Variants in SCAMP1 observed in about 807,000 individuals in gnomAD.
SCAMP1 encodes the protein secretory carrier-associated membrane protein 1.
Under a neutral mutation model 41.8 loss-of-function variants are expected in SCAMP1, and 15 were observed. The ratio of observed to expected loss-of-function variants is 0.36; its 90% CI spans 0.24 to 0.55. The LOEUF (loss-of-function observed/expected upper bound fraction) is 0.55, where lower values mean the gene tolerates loss of function less well. SCAMP1 is among the 20% of genes least tolerant of loss of function. The pLI, the probability that SCAMP1 is intolerant of heterozygous loss-of-function variation, is 0.86. For missense variants in SCAMP1, 341 were observed against 412.6 expected (o/e 0.83, Z 1.50); for synonymous variants, 135 against 136.8 (o/e 0.99, Z 0.09).
In SCAMP1 at chr5:78,388,824, A is replaced by G. The variant is rs1190792851; in HGVS notation, c.58-13A>G. The G allele has an allele frequency of 1.2e-5, 17 of 1,404,610 alleles. No homozygotes were observed. The highest frequency in any genetic ancestry group is 1.6e-5 in the Non-Finnish European group (16 of 1,010,314). 87.0% of individuals were successfully genotyped at this position (1,404,610 alleles called of 1,614,324 possible). A position where few individuals can be genotyped will look rare whatever the true frequency, so the allele number is the denominator to read the frequency against. On this transcript the variant is annotated splice_polypyrimidine_tract_variant and intron_variant, in intron 1 of 8. Transcript: ENST00000621999. Reference sequence around the variant, plus strand: ...TAAGTAATCTTTTTTTTCTCCTTTGAATTTTATTCTAGGATCCATCAGTTA... The same window carrying G: ...TAAGTAATCTTTTTTTTCTCCTTTGGATTTTATTCTAGGATCCATCAGTTA...
intron 1 of SCAMP1, among the ~76,000 whole-genome samples, chr5:78,372,945 A>G (rs1229082859): frequency 2.0e-5 from 3 of 152,080 alleles, no homozygotes; most frequent in Non-Finnish European, 4.4e-5. Flanking sequence ...TTCTGATTCA[A>G]AAGGAAAACT....
At chr5:78,454,410 C>CA (rs1460600097) in intron 7 of SCAMP1, among the ~76,000 whole-genome samples, 33 of 152,144 alleles carry the variant, frequency 2.2e-4, no homozygotes, top group African/African-American at 7.2e-4. Flanking sequence ...TGAATTTTGT[C>CA]AAAGGCTTTT....
chr5:78,479,853 T>C lies in SCAMP1; in HGVS notation c.*4185T>C, dbSNP rs142090297. On this transcript the variant is annotated 3_prime_UTR_variant, in exon 9 of 9. Transcript: ENST00000621999. The stretch of plus-strand genomic sequence containing the variant: ...GTCAGGAGATCGAAACCATCCTGGC[T>C]AACATGGTGAAACCCCATCTCTACT... Among the ~76,000 whole-genome samples the C allele has an allele frequency of 0.025, 3,790 of 151,814 alleles. 143 individuals carry two copies. Among genetic ancestry groups the C allele is most frequent in the African/African-American group, 0.076 (3,156 of 41,290 alleles).
chr5:78,458,415 G>A (rs574183433), intron 7 of SCAMP1, among the ~76,000 whole-genome samples: 136 of 152,018 alleles, frequency 8.9e-4, no homozygotes, highest in African/African-American at 2.8e-3. Flanking sequence ...CTTATTTGTC[G>A]TCTTTATGTC....
chr5:78,457,489 G>C (rs1753446160), intron 7 of SCAMP1, among the ~76,000 whole-genome samples: 1 of 152,152 alleles, frequency 6.6e-6, no homozygotes, highest in African/African-American at 2.4e-5. Flanking sequence ...CTCCCAGTTA[G>C]GCTGCTCGGG....
At chr5:78,384,898 T>G (rs1227544458) in intron 1 of SCAMP1, among the ~76,000 whole-genome samples, 1 of 152,192 alleles carries the variant, frequency 6.6e-6, no homozygotes, top group South Asian at 2.1e-4. Context: ...TCAGGGATAT[T>G]GGCCTGTAGT....
At position 78,475,973 on chromosome 5, in the gene SCAMP1, A is replaced by T. The variant is rs1374816969; in HGVS notation, c.*305A>T. ...CCACTGAAAATTAATAATGGTACTTATGATTAAAAACGCATTTAATACTAA... is the reference window on the plus strand; with the variant it reads ...CCACTGAAAATTAATAATGGTACTTTTGATTAAAAACGCATTTAATACTAA... On this transcript the variant is annotated 3_prime_UTR_variant, in exon 9 of 9. Coordinates refer to ENST00000621999, the MANE Select transcript of SCAMP1 (RefSeq NM_004866.6). 3.0e-5 allele frequency: 5 copies of T among 169,302 alleles called. No individual in the cohort carries two copies. Among genetic ancestry groups the T allele is most frequent in the South Asian group, 1.9e-4 (1 of 5,182 alleles). The allele number at this position is 169,302 out of a possible 1,614,324, so 10.5% of individuals were successfully genotyped here. A position where few individuals can be genotyped will look rare whatever the true frequency, so the allele number is the denominator to read the frequency against.
At chr5:78,396,159 A>G (rs943962961) in intron 2 of SCAMP1, among the ~76,000 whole-genome samples, 1 of 152,226 alleles carries the variant, frequency 6.6e-6, no homozygotes, top group Non-Finnish European at 1.5e-5. Context: ...ACTCTATATG[A>G]TACTATAATG....
At chr5:78,474,625 C>A (rs1020240770) in intron 8 of SCAMP1, among the ~76,000 whole-genome samples, 3 of 152,154 alleles carry the variant, frequency 2.0e-5, no homozygotes, top group Non-Finnish European at 4.4e-5. Context: ...TGGCCCTTCC[C>A]TAAGCCTGCT....
At chr5:78,443,868 G>A (rs924763753) in intron 6 of SCAMP1, among the ~76,000 whole-genome samples, 87 of 151,726 alleles carry the variant, frequency 5.7e-4, no homozygotes, top group African/African-American at 1.9e-3. Flanking sequence ...ATTGCCCCAC[G>A]CTGGTCTTGA....
At chr5:78,459,796 C>T (rs888985505) in intron 8 of SCAMP1, among the ~76,000 whole-genome samples, 1 of 152,026 alleles carries the variant, frequency 6.6e-6, no homozygotes, top group Non-Finnish European at 1.5e-5. Context: ...TCAGAGGGAA[C>T]ATGTGCAGGT....
intron 8 of SCAMP1, among the ~76,000 whole-genome samples, chr5:78,463,472 A>G (rs1753666691): frequency 6.6e-6 from 1 of 152,262 alleles, no homozygotes; most frequent in African/African-American, 2.4e-5. Flanking sequence ...AATGCATTGC[A>G]TAAACCTTTA....
At chr5:78,440,968 A>G (rs941962295) in intron 6 of SCAMP1, among the ~76,000 whole-genome samples, 2 of 152,206 alleles carry the variant, frequency 1.3e-5, no homozygotes, top group African/African-American at 2.4e-5. Context: ...CTGCTGTGCT[A>G]GTAGTGAGCA....
rs201616717 is a variant in SCAMP1 at position 78,409,052 on chromosome 5, A to AT, written c.136-6462dup. Among the ~76,000 whole-genome samples the AT allele has an allele frequency of 5.0e-3, 760 of 152,150 alleles. 4 individuals are homozygous for AT. Among genetic ancestry groups the AT allele is most frequent in the African/African-American group, 0.017 (713 of 41,488 alleles). On this transcript the variant is annotated intron_variant, in intron 2 of 8. Coordinates refer to ENST00000621999, the MANE Select transcript of SCAMP1 (RefSeq NM_004866.6). ...TTCTTACTCATCCACTGAAACGGTC[A>AT]TTTTTTAGAGACTCCTGGCTTTATG...
At chr5:78,382,585 A>G (rs1222286343) in intron 1 of SCAMP1, among the ~76,000 whole-genome samples, 2 of 152,078 alleles carry the variant, frequency 1.3e-5, no homozygotes, top group Admixed American at 6.6e-5. Context: ...ACCCTTTCCC[A>G]TGAGTCCCTG....
At chr5:78,420,144 TTCCCGGGTTCAAG>T (rs1752305942) in intron 5 of SCAMP1, among the ~76,000 whole-genome samples, 1 of 152,152 alleles carries the variant, frequency 6.6e-6, no homozygotes, top group South Asian at 2.1e-4. Flanking sequence ...CAACCTCCGC[TTCCCGGGTTCAAG>T]TGATTCTCGT....
chr5:78,443,653 CTTTTT>C (rs71613955), intron 6 of SCAMP1, among the ~76,000 whole-genome samples: 102 of 71,954 alleles, frequency 1.4e-3, no homozygotes, highest in Non-Finnish European at 2.0e-3. Flanking sequence ...AGTGGTTTTG[CTTTTT>C]TTTTTTTTTT....
chr5:78,444,633 C>G (rs1196061832), intron 6 of SCAMP1, among the ~76,000 whole-genome samples: 2 of 152,158 alleles, frequency 1.3e-5, no homozygotes, highest in African/African-American at 4.8e-5. Flanking sequence ...TCTTGTATTA[C>G]TTGATTCTAG....
At chr5:78,426,985 T>A (rs941122867) in intron 6 of SCAMP1, among the ~76,000 whole-genome samples, 2 of 152,244 alleles carry the variant, frequency 1.3e-5, no homozygotes, top group Non-Finnish European at 2.9e-5. Flanking sequence ...TATTTGGCTC[T>A]TTTCAACTTT....
Sources: allele counts gnomAD v4.1 joint callset (sites outside exome capture counted in the v4.1 genomes callset), GRCh38; gene constraint gnomAD v4.1.1; transcripts MANE v1.5; gene names NCBI Gene and HGNC (gene_info 2026-07-23, HGNC 2026-07-21).